Variants in PRKCA observed in about 807,000 individuals in gnomAD.
PRKCA encodes the protein protein kinase C alpha type.
In PRKCA, 27 loss-of-function variants were observed where a neutral mutation model predicts 87.0. That is an observed-to-expected ratio of 0.31 (90% confidence interval 0.23 to 0.43). The LOEUF (loss-of-function observed/expected upper bound fraction) is 0.43, where lower values mean the gene tolerates loss of function less well. Ranked by LOEUF, PRKCA falls within the 20% of genes least tolerant of loss-of-function variation. The probability of loss-of-function intolerance (pLI) is 1.00; values close to 1 mark genes in which losing one functional copy is unlikely to be tolerated. For missense variants in PRKCA, 518 were observed against 852.3 expected (o/e 0.61, Z 4.88); for synonymous variants, 329 against 311.1 (o/e 1.06, Z -0.61).
intron 13 of PRKCA, among the ~76,000 whole-genome samples, chr17:66,765,432 A>ATCTATATC (rs1568020958): frequency 6.9e-5 from 9 of 131,214 alleles, no homozygotes; most frequent in Admixed American, 2.3e-4. Context: ...ATATATATAT[A>ATCTATATC]TATATATATA....
intron 2 of PRKCA, among the ~76,000 whole-genome samples, chr17:66,453,586 G>A (rs1394701568): frequency 4.6e-5 from 7 of 152,082 alleles, no homozygotes; most frequent in African/African-American, 9.7e-5. Flanking sequence ...CCAAAGTGCT[G>A]GGATTATAGA....
In PRKCA at chr17:66,788,836, T is replaced by C; in HGVS notation, c.1714-3T>C. 6.2e-7 allele frequency: 1 copy of C among 1,610,424 alleles called. No individual in the cohort carries two copies. Among genetic ancestry groups the C allele is most frequent in the Non-Finnish European group, 8.5e-7 (1 of 1,179,190 alleles). On this transcript the variant is annotated splice_polypyrimidine_tract_variant and splice_region_variant and intron_variant, in intron 15 of 16. Transcript: ENST00000413366. Reference sequence around the variant, plus strand: ...GTTCTCCTTTTCTCCTTTTCCTTTCTAGCTGATGACCAAACACCCAGCCAA... The same window carrying C: ...GTTCTCCTTTTCTCCTTTTCCTTTCCAGCTGATGACCAAACACCCAGCCAA...
At chr17:66,384,861 A>C (rs1245220104) in intron 2 of PRKCA, among the ~76,000 whole-genome samples, 1 of 151,760 alleles carries the variant, frequency 6.6e-6, no homozygotes, top group African/African-American at 2.4e-5. Context: ...CAATCTCCTG[A>C]CCTCGTGATC....
chr17:66,519,646 C>A (rs1967090958), intron 3 of PRKCA, among the ~76,000 whole-genome samples: 1 of 152,234 alleles, frequency 6.6e-6, no homozygotes, highest in Non-Finnish European at 1.5e-5. Context: ...TTGGTAAGCA[C>A]TAATTCCTCC....
At chr17:66,774,213 C>T (rs1568026006) in intron 14 of PRKCA, 146 bp downstream of exon 14, 60 of 1,518,700 alleles carry the variant, frequency 4.0e-5, no homozygotes, top group Non-Finnish European at 4.7e-5. Context: ...GAGGGAGAAA[C>T]GCCCCCTTCA....
At chr17:66,529,100 A>C (rs893291216) in intron 3 of PRKCA, among the ~76,000 whole-genome samples, 7 of 152,192 alleles carry the variant, frequency 4.6e-5, no homozygotes, top group African/African-American at 7.2e-5. Flanking sequence ...GTTTGACCTT[A>C]AATATCATCT....
intron 2 of PRKCA, among the ~76,000 whole-genome samples, chr17:66,338,458 C>T (rs115010274): frequency 3.1e-4 from 47 of 152,196 alleles, no homozygotes; most frequent in Middle Eastern, 6.8e-3. Flanking sequence ...AAGGCTGGCA[C>T]GGGGAACATC....
chr17:66,725,085 T>C (rs1364777675), intron 8 of PRKCA, among the ~76,000 whole-genome samples: 1 of 152,180 alleles, frequency 6.6e-6, no homozygotes, highest in Non-Finnish European at 1.5e-5. Flanking sequence ...CCTGGCTAAC[T>C]AGTCTCGTGT....
chr17:66,310,089 A>C (rs1053201759), intron 2 of PRKCA, among the ~76,000 whole-genome samples: 5 of 152,070 alleles, frequency 3.3e-5, no homozygotes, highest in Non-Finnish European at 5.9e-5. Context: ...AGCAACACCC[A>C]TGCACTTCTC....
At chr17:66,378,095 G>T (rs1288552223) in intron 2 of PRKCA, among the ~76,000 whole-genome samples, 1 of 152,112 alleles carries the variant, frequency 6.6e-6, no homozygotes. Context: ...GGCCCAAGTG[G>T]GTGGATCACC....
At chr17:66,747,025 G>A (rs190102622) in intron 13 of PRKCA, among the ~76,000 whole-genome samples, 9 of 152,086 alleles carry the variant, frequency 5.9e-5, no homozygotes, top group Non-Finnish European at 1.0e-4. Flanking sequence ...CCCTACTGCA[G>A]TGAGAGCAAA....
chr17:66,491,277 C>T (rs1314070829), intron 2 of PRKCA, among the ~76,000 whole-genome samples: 1 of 135,788 alleles, frequency 7.4e-6, no homozygotes, highest in Non-Finnish European at 1.6e-5. Context: ...TGTTTTAAAA[C>T]CTCTCATTGG....
chr17:66,524,315 G>A (rs1349056533), intron 3 of PRKCA, among the ~76,000 whole-genome samples: 1 of 152,214 alleles, frequency 6.6e-6, no homozygotes, highest in African/African-American at 2.4e-5. Flanking sequence ...AGTTAGCAAA[G>A]AGCATTTTTG....
chr17:66,559,453 C>T (rs191192038), intron 3 of PRKCA, among the ~76,000 whole-genome samples: 4 of 124,154 alleles, frequency 3.2e-5, no homozygotes, highest in African/African-American at 6.3e-5. Flanking sequence ...CCAGCCTGGG[C>T]GCAACAGAGT....
intron 2 of PRKCA, among the ~76,000 whole-genome samples, chr17:66,418,814 C>T (rs897039759): frequency 2.3e-4 from 35 of 152,012 alleles, no homozygotes; most frequent in African/African-American, 8.2e-4. Context: ...TGCAGTGGCG[C>T]GATCTCGGCT....
intron 2 of PRKCA, 77 bp from the exon 3 acceptor site, chr17:66,496,124 A>G (rs1467922974): frequency 8.9e-7 from 1 of 1,117,638 alleles, no homozygotes; most frequent in Admixed American, 1.9e-5. Context: ...TCTAACAGCA[A>G]GTATCTCTGT....
At chr17:66,532,767 C>A (rs1196013116) in intron 3 of PRKCA, among the ~76,000 whole-genome samples, 2 of 152,328 alleles carry the variant, frequency 1.3e-5, no homozygotes, top group East Asian at 1.9e-4. Flanking sequence ...CTCTGATGAT[C>A]TGGCCTTGCT....
At chr17:66,369,395 G>GGAGGAGGAGGGACCTGTGA (rs1908961484) in intron 2 of PRKCA, among the ~76,000 whole-genome samples, 2 of 152,112 alleles carry the variant, frequency 1.3e-5, no homozygotes, top group African/African-American at 4.8e-5. Context: ...GGGACCTGGG[G>GGAGGAGGAGGGACCTGTGA]GAGGAGGAGG....
At chr17:66,393,488 G>A (rs902258338) in intron 2 of PRKCA, among the ~76,000 whole-genome samples, 1 of 152,188 alleles carries the variant, frequency 6.6e-6, no homozygotes, top group Admixed American at 6.5e-5. Flanking sequence ...CCCCAAATGT[G>A]TGCTGGAGAA....
Sources: gnomAD v4.1 joint callset for allele counts (sites outside exome capture counted in the v4.1 genomes callset) on GRCh38, gnomAD v4.1.1 for gene constraint, MANE v1.5 for transcripts, NCBI Gene and HGNC (gene_info 2026-07-23, HGNC 2026-07-21) for gene names.